The following CAPN13 variants were observed in gnomAD, a reference collection of about 807,000 sequenced individuals.
The protein encoded by CAPN13 is calpain-13.
Under a neutral mutation model 98.4 loss-of-function variants are expected in CAPN13, and 90 were observed. The observed-to-expected ratio is 0.92, with a 90% CI of 0.77 to 1.09. The LOEUF is 1.09. CAPN13 is among the 50% of genes least tolerant of loss of function. CAPN13 has a pLI of 0.00. For missense variants in CAPN13, 887 were observed against 841.3 expected, an observed-to-expected ratio of 1.05 and a Z score of -0.67; for synonymous variants, 330 against 305.5, an observed-to-expected ratio of 1.08 and a Z score of -0.84.
At chr2:30,775,721 T>A (rs547407151) in intron 4 of CAPN13, among the ~76,000 whole-genome samples, 59 of 152,330 alleles carry the variant, frequency 3.9e-4, no homozygotes, top group African/African-American at 1.4e-3. Context: ...TCATTTCTTT[T>A]TATTTACACA....
In CAPN13 at chr2:30,732,523, C is replaced by T. The variant is rs1671156357; in HGVS notation, c.1842G>A (p.Leu614=). The T allele has an allele frequency of 6.2e-7, 1 of 1,611,186 alleles. No homozygotes were observed. The highest frequency in any genetic ancestry group is 1.3e-5 in the African/African-American group (1 of 74,870). Residue 614 remains leucine (L), a synonymous_variant, in exon 20 of 23, where the codon CTG becomes CTA. Coordinates refer to ENST00000295055, the MANE Select transcript of CAPN13 (RefSeq NM_144575.3). Reference sequence around the variant, plus strand: ...CGCTGTCGCTGTACCTGAGGGTCACCAGATGCAGCAGCTCACGGCTGATGA... The same window carrying T: ...CGCTGTCGCTGTACCTGAGGGTCACTAGATGCAGCAGCTCACGGCTGATGA... ...GIFISRELLH[L]VTLRYSDSVG...
chr2:30,736,415 C>T (rs1671367174), intron 18 of CAPN13, 88 bp downstream of exon 18: 3 of 1,314,582 alleles, frequency 2.3e-6, no homozygotes, highest in Non-Finnish European at 3.3e-6. Flanking sequence ...CTTTCATACC[C>T]CTGAACCCTG....
At chr2:30,778,880 C>A (rs761754327) in intron 2 of CAPN13, among the ~76,000 whole-genome samples, 1 of 152,160 alleles carries the variant, frequency 6.6e-6, no homozygotes, top group Admixed American at 6.5e-5. Flanking sequence ...CCAGAGCCAT[C>A]GTGGGCAGAA....
intron 11 of CAPN13, chr2:30,746,374 A>C (rs917272646): frequency 6.5e-6 from 1 of 153,494 alleles, no homozygotes; most frequent in Non-Finnish European, 1.4e-5. Context: ...GACGAGTTTT[A>C]ACAGACACAT....
At chr2:30,752,324 C>CT (rs1672214769) in intron 10 of CAPN13, among the ~76,000 whole-genome samples, 1 of 152,196 alleles carries the variant, frequency 6.6e-6, no homozygotes, top group East Asian at 1.9e-4. Flanking sequence ...TACGCAGCCT[C>CT]TTTTATCAAA....
chr2:30,766,994 T>C (rs1158827644), intron 5 of CAPN13, among the ~76,000 whole-genome samples: 1 of 152,234 alleles, frequency 6.6e-6, no homozygotes, highest in Non-Finnish European at 1.5e-5. Context: ...ACATTTGGGC[T>C]GTGGTCCTCA....
intron 12 of CAPN13, among the ~76,000 whole-genome samples, chr2:30,744,380 C>T (rs958294606): frequency 2.0e-5 from 3 of 152,180 alleles, no homozygotes; most frequent in African/African-American, 7.2e-5. Flanking sequence ...GTGGCATCTC[C>T]AACGCGATTC....
chr2:30,792,817 T>C (rs1246811090), intron 1 of CAPN13, among the ~76,000 whole-genome samples: 1 of 151,788 alleles, frequency 6.6e-6, no homozygotes, highest in Admixed American at 6.6e-5. Flanking sequence ...GCCTTAAAAT[T>C]TTAGCAAATC....
chr2:30,793,494 C>T (rs1674705277), intron 1 of CAPN13, among the ~76,000 whole-genome samples: 1 of 151,638 alleles, frequency 6.6e-6, no homozygotes, highest in Admixed American at 6.6e-5. Context: ...AGGCTCAATA[C>T]TGCCAAGATG....
At chr2:30,793,067 T>C (rs1674682525) in intron 1 of CAPN13, among the ~76,000 whole-genome samples, 1 of 151,884 alleles carries the variant, frequency 6.6e-6, no homozygotes, top group Non-Finnish European at 1.5e-5. Context: ...TGATGGAAAG[T>C]GCATTTTCTT....
intron 19 of CAPN13, among the ~76,000 whole-genome samples, chr2:30,733,816 T>A (rs758528511): frequency 6.6e-6 from 1 of 152,220 alleles, no homozygotes; most frequent in Non-Finnish European, 1.5e-5. Flanking sequence ...GGTAGCCATT[T>A]CCTTGTGCAA....
intron 19 of CAPN13, 52 bp from the exon 20 acceptor site, chr2:30,732,618 C>G: frequency 6.4e-7 from 1 of 1,567,932 alleles, no homozygotes; most frequent in Non-Finnish European, 8.6e-7. Context: ...CTCGGGGGTT[C>G]CTCTGCCTCT....
rs754569360 is a variant in CAPN13, at chr2:30,775,999, TG to T, written c.317del (p.Pro106HisfsTer8). 2 of 1,613,118 alleles carry T rather than the reference TG, an allele frequency of 1.2e-6. No homozygotes were observed. The highest frequency in any genetic ancestry group is 1.7e-6 in the Non-Finnish European group (2 of 1,179,562). ...CCATCAGGATCTTCTGCCTGTACTG[TG>T]GGTTCTGAGTCAAGGATCCCAGTGC... ...LAALGSLTQNPQYRQKILMVQ... is the reference protein window; with the variant it reads ...LAALGSLTQNXQYRQKILMVQ... On this transcript the variant is annotated frameshift_variant, in exon 4 of 23. Transcript: ENST00000295055. LOFTEE classifies it high-confidence loss of function.
At position 30,732,489 on chromosome 2, in the gene CAPN13, C is replaced by A; in HGVS notation, c.1876G>T (p.Val626Phe). The A allele has an allele frequency of 1.9e-6, 3 of 1,613,332 alleles. No homozygotes were observed. Among genetic ancestry groups the A allele is most frequent in the Non-Finnish European group, 2.5e-6 (3 of 1,179,660 alleles). ...TLRYSDSVGR[V>F]SFPSLVCFLM... ...AAGCAGACCAGGCTGGGGAAGCTGA[C>A]CCTGCCGACGCTGTCGCTGTACCTG... is the stretch of plus-strand genomic sequence containing the variant. The change falls in exon 20 of 23, where the codon GTC (valine) becomes TTC (phenylalanine). Residue 626 changes from valine (V) to phenylalanine (F), a missense_variant. Transcript: ENST00000295055.
At chr2:30,787,488 G>A (rs1674354762) in intron 1 of CAPN13, 131 bp from the exon 2 acceptor site, 1 of 608,100 alleles carries the variant, frequency 1.6e-6, no homozygotes, top group Non-Finnish European at 2.7e-6. Flanking sequence ...CACTGTCCCT[G>A]GTGGCACAGT....
intron 17 of CAPN13, chr2:30,738,001 A>G: frequency 2.0e-6 from 1 of 508,308 alleles, no homozygotes; most frequent in Non-Finnish European, 3.6e-6. Context: ...ACACACACAC[A>G]CACACCCCAG....
At chr2:30,780,152 C>T (rs527916714) in intron 2 of CAPN13, among the ~76,000 whole-genome samples, 9 of 152,270 alleles carry the variant, frequency 5.9e-5, no homozygotes, top group Admixed American at 3.9e-4. Context: ...GAGTATCACC[C>T]GCATGCGCTG....
chr2:30,795,965 A>G (rs1674835141), intron 1 of CAPN13, among the ~76,000 whole-genome samples: 2 of 151,762 alleles, frequency 1.3e-5, no homozygotes, highest in Non-Finnish European at 2.9e-5. Context: ...CAACATATAT[A>G]TCAAAATCTG....
Position 30,738,409 on chromosome 2 carries a change from G to T in CAPN13, c.1585C>A (p.Leu529Ile). Residue 529 changes from leucine to isoleucine, a missense_variant, in exon 16 of 23, where the codon CTT becomes ATT. Physicochemically the swap from Leu to Ile is conservative, Grantham distance 5 (BLOSUM62 2). Transcript: ENST00000295055. ...TQLQGLLNQE[L>I]LTGPPGDMFS... Reference sequence around the variant, plus strand: ...CTTGGGCTGCTCATACCTGTTAGAAGCTCCTGGTTGAGAAGGCCCTGAAGC... The same window carrying T: ...CTTGGGCTGCTCATACCTGTTAGAATCTCCTGGTTGAGAAGGCCCTGAAGC... 6.2e-7 allele frequency: 1 copy of T among 1,608,758 alleles called. No individual in the cohort carries two copies. The highest frequency in any genetic ancestry group is 8.5e-7 in the Non-Finnish European group (1 of 1,177,326).
Sources: gnomAD v4.1 joint callset for allele counts (sites outside exome capture counted in the v4.1 genomes callset) on GRCh38, gnomAD v4.1.1 for gene constraint, MANE v1.5 for transcripts, NCBI Gene and HGNC (gene_info 2026-07-23, HGNC 2026-07-21) for gene names.